KCNC2: variants seen among roughly 807,000 people sequenced by gnomAD.
KCNC2 encodes voltage-gated potassium channel KCNC2.
A neutral mutation model predicts 44.5 loss-of-function variants in KCNC2; 21 were observed. That is an observed-to-expected ratio of 0.47 (90% confidence interval 0.33 to 0.68). The LOEUF is 0.68. KCNC2 is among the 30% of genes least tolerant of loss of function. The pLI, the probability that KCNC2 is intolerant of heterozygous loss-of-function variation, is 0.01. For missense variants in KCNC2, 589 were observed against 826.2 expected, an observed-to-expected ratio of 0.71 and a Z score of 3.52; for synonymous variants, 391 against 339.1, an observed-to-expected ratio of 1.15 and a Z score of -1.68.
rs146711496 is a variant in KCNC2, at chr12:75,199,752, A to G, written c.687+7545T>C. 3.3e-5 allele frequency among the ~76,000 whole-genome samples: 5 copies of G among 152,038 alleles called. No individual in the cohort carries two copies. In the East Asian group the frequency reaches 9.6e-4, roughly 29 times the overall value. On this transcript the variant is annotated intron_variant, in intron 2 of 4. Coordinates refer to ENST00000549446, the MANE Select transcript of KCNC2 (RefSeq NM_139137.4). ...TTTACATTTGAGAAGATGATGTTCT[A>G]TTGCCAATAGGTTGAACCAGTGTTG... is the stretch of plus-strand genomic sequence containing the variant.
At chr12:75,157,565 A>C (rs898266239) in intron 2 of KCNC2, among the ~76,000 whole-genome samples, 2 of 151,880 alleles carry the variant, frequency 1.3e-5, no homozygotes, top group Non-Finnish European at 2.9e-5. Flanking sequence ...AAACATCAAG[A>C]CCACAGTTTA....
rs563886888 is a variant in KCNC2 at position 75,041,003 on chromosome 12, G to A, written c.*2102C>T. On this transcript the variant is annotated 3_prime_UTR_variant, in exon 5 of 5. Transcript: ENST00000549446. ...AGTCTACAAGCAGAGCACTCTCATGGGGAGCACCAGATGAGTTCCAGCCGC... is the reference window on the plus strand; with the variant it reads ...AGTCTACAAGCAGAGCACTCTCATGAGGAGCACCAGATGAGTTCCAGCCGC... 2 of 883,056 alleles carry A rather than the reference G, an allele frequency of 2.3e-6. No individual in the cohort carries two copies. Among genetic ancestry groups the A allele is most frequent in the South Asian group, 2.8e-5 (2 of 70,824 alleles). 54.7% of individuals were successfully genotyped at this position (883,056 alleles called of 1,614,324 possible). A position where few individuals can be genotyped will look rare whatever the true frequency, so the allele number is the denominator to read the frequency against.
At chr12:75,131,346 C>G (rs1342834940) in intron 2 of KCNC2, among the ~76,000 whole-genome samples, 4 of 152,076 alleles carry the variant, frequency 2.6e-5, no homozygotes, top group African/African-American at 7.2e-5. Flanking sequence ...CAAAAGCATG[C>G]TTTTAAAAAA....
intron 2 of KCNC2, among the ~76,000 whole-genome samples, chr12:75,169,464 T>C (rs1232624724): frequency 1.3e-5 from 2 of 151,590 alleles, no homozygotes; most frequent in Non-Finnish European, 3.0e-5. Flanking sequence ...TTTTAAAATT[T>C]ATGAAATCAA....
At chr12:75,143,639 A>G (rs577906502) in intron 2 of KCNC2, among the ~76,000 whole-genome samples, 9 of 152,268 alleles carry the variant, frequency 5.9e-5, no homozygotes, top group Middle Eastern at 3.4e-3. Flanking sequence ...TTCTAATAGA[A>G]ATCCCTGACT....
intron 2 of KCNC2, among the ~76,000 whole-genome samples, chr12:75,201,262 G>GGAA (rs2031227360): frequency 1.6e-4 from 3 of 18,446 alleles, no homozygotes; most frequent in Admixed American, 1.5e-3. Context: ...AACGAAATTG[G>GGAA]AAAAAAAAAA....
At chr12:75,159,212 T>C (rs1890962175) in intron 2 of KCNC2, among the ~76,000 whole-genome samples, 3 of 151,858 alleles carry the variant, frequency 2.0e-5, no homozygotes, top group Admixed American at 2.0e-4. Flanking sequence ...GGCACATGTA[T>C]ACCTGTGTAA....
rs149902421 is a variant in KCNC2 at position 75,174,844 on chromosome 12, T to A, written c.687+32453A>T. On this transcript the variant is annotated intron_variant, in intron 2 of 4. Coordinates refer to ENST00000549446, the MANE Select transcript of KCNC2 (RefSeq NM_139137.4). Reference sequence around the variant, plus strand: ...ATGTTCTATTGAATTAACCATGGTTTTAACGCATGTGTTTATCTGAGCAAA... The same window carrying A: ...ATGTTCTATTGAATTAACCATGGTTATAACGCATGTGTTTATCTGAGCAAA... Among the ~76,000 whole-genome samples the A allele has an allele frequency of 1.3e-4, 20 of 152,084 alleles. No individual in the cohort carries two copies. The East Asian group carries it at 2.9e-3, about 22-fold the overall frequency.
At chr12:75,144,703 G>T (rs1355807243) in intron 2 of KCNC2, among the ~76,000 whole-genome samples, 1 of 151,616 alleles carries the variant, frequency 6.6e-6, no homozygotes, top group African/African-American at 2.4e-5. Context: ...ATTTTAATTT[G>T]TCCTTATTTA....
intron 2 of KCNC2, among the ~76,000 whole-genome samples, chr12:75,188,968 C>G (rs2029935768): frequency 1.3e-5 from 2 of 151,894 alleles, no homozygotes; most frequent in Admixed American, 1.3e-4. Flanking sequence ...ATGGCAAAAT[C>G]CAGAAGGGTT....
intron 2 of KCNC2, among the ~76,000 whole-genome samples, chr12:75,106,765 T>A (rs1005627433): frequency 2.6e-5 from 4 of 152,202 alleles, no homozygotes; most frequent in African/African-American, 9.6e-5. Context: ...ATACCTCTTA[T>A]AATTTAAATA....
At chr12:75,196,043 C>T (rs571490841) in intron 2 of KCNC2, among the ~76,000 whole-genome samples, 17 of 152,082 alleles carry the variant, frequency 1.1e-4, no homozygotes, top group Admixed American at 2.0e-4. Context: ...TCCTCTTCAT[C>T]CTGTGGTACC....
intron 2 of KCNC2, among the ~76,000 whole-genome samples, chr12:75,186,586 A>C (rs937997159): frequency 6.6e-6 from 1 of 152,222 alleles, no homozygotes. Context: ...TTTATGCAAC[A>C]ATTACTTTCC....
intron 2 of KCNC2, among the ~76,000 whole-genome samples, chr12:75,199,496 A>G (rs1593082818): frequency 6.6e-6 from 1 of 151,910 alleles, no homozygotes; most frequent in Non-Finnish European, 1.5e-5. Flanking sequence ...TTTGATTTCT[A>G]TAAAATGTAT....
At chr12:75,067,194 C>T (rs1882916936) in intron 2 of KCNC2, among the ~76,000 whole-genome samples, 1 of 151,950 alleles carries the variant, frequency 6.6e-6, no homozygotes, top group African/African-American at 2.4e-5. Flanking sequence ...AGAGGAAACC[C>T]TGTCTCAAAA....
chr12:75,042,678 A>C lies in KCNC2; in HGVS notation c.*427T>G. On this transcript the variant is annotated 3_prime_UTR_variant, in exon 5 of 5. Transcript: ENST00000549446. Reference sequence around the variant, plus strand: ...ATGGTCCATGCAAATGAGCTGACACAAGTCATGTCGTGTGCAATCAAGATA... The same window carrying C: ...ATGGTCCATGCAAATGAGCTGACACCAGTCATGTCGTGTGCAATCAAGATA... 2 of 1,200,582 alleles carry C rather than the reference A, an allele frequency of 1.7e-6. No individual in the cohort carries two copies. The highest frequency in any genetic ancestry group is 2.1e-6 in the Non-Finnish European group (2 of 964,488). 74.4% of individuals were successfully genotyped at this position (1,200,582 alleles called of 1,614,324 possible). A position where few individuals can be genotyped will look rare whatever the true frequency, so the allele number is the denominator to read the frequency against.
In KCNC2 at chr12:75,181,018, G is replaced by T. The variant is rs1296182641; in HGVS notation, c.687+26279C>A. 4.6e-5 allele frequency among the ~76,000 whole-genome samples: 7 copies of T among 152,170 alleles called. No homozygotes were observed. The East Asian group carries it at 7.7e-4, about 17-fold the overall frequency. ...CTCAAACTATTTGAACTTCTAACAT[G>T]TTGAGTAAAGTGTTCAAAATAAATA... is the stretch of plus-strand genomic sequence containing the variant. On this transcript the variant is annotated intron_variant, in intron 2 of 4. Coordinates refer to ENST00000549446, the MANE Select transcript of KCNC2 (RefSeq NM_139137.4).
intron 2 of KCNC2, among the ~76,000 whole-genome samples, chr12:75,194,031 C>T (rs903960597): frequency 9.9e-5 from 15 of 151,804 alleles, no homozygotes; most frequent in Admixed American, 6.6e-5. Context: ...AGATACAACA[C>T]GCAGATATGA....
In KCNC2 at chr12:75,041,340, A is replaced by G; in HGVS notation, c.*1765T>C. 1 of 1,477,134 alleles carries G rather than the reference A, an allele frequency of 6.8e-7. No individual in the cohort carries two copies. Among genetic ancestry groups the G allele is most frequent in the Non-Finnish European group, 9.0e-7 (1 of 1,114,964 alleles). 91.5% of individuals were successfully genotyped at this position (1,477,134 alleles called of 1,614,324 possible). The stretch of plus-strand genomic sequence containing the variant: ...CTAAATATCATATATGTATGTCTGG[A>G]TAAATACATTGCTGTACAACATCTC... On this transcript the variant is annotated 3_prime_UTR_variant, in exon 5 of 5. Transcript: ENST00000549446.
Sources: gnomAD v4.1 joint callset for allele counts (sites outside exome capture counted in the v4.1 genomes callset) on GRCh38, gnomAD v4.1.1 for gene constraint, MANE v1.5 for transcripts, NCBI Gene and HGNC (gene_info 2026-07-23, HGNC 2026-07-21) for gene names.